Variants in FAM168A observed in about 807,000 individuals in gnomAD.
The protein encoded by FAM168A is family with sequence similarity 168 member A, also known as protein FAM168A.
A neutral mutation model predicts 28.5 loss-of-function variants in FAM168A; 3 were observed. That is an observed-to-expected ratio of 0.11 (90% CI 0.05 to 0.27). The LOEUF (loss-of-function observed/expected upper bound fraction) is 0.27, where lower values mean the gene tolerates loss of function less well. FAM168A is among the 10% of genes least tolerant of loss of function. The pLI, the probability that FAM168A is intolerant of heterozygous loss-of-function variation, is 1.00. For synonymous variants in FAM168A, 122 were observed against 124.2 expected (o/e 0.98, Z 0.12); for missense variants, 222 against 311.5 (o/e 0.71, Z 2.16).
At position 73,468,492 on chromosome 11, in the gene FAM168A, C is replaced by T; in HGVS notation, c.-18G>A. 2.5e-6 allele frequency: 4 copies of T among 1,612,414 alleles called. No homozygotes were observed. The African/African-American group carries it at 4.0e-5, about 16-fold the overall frequency. ...GGGTTCATTGTGGAAGACTGAGGAT[C>T]CTACAGAGAAAACAAAGAAAACAGC... On this transcript the variant is annotated splice_region_variant and 5_prime_UTR_variant, in exon 2 of 8. Coordinates refer to ENST00000356467, the MANE Select transcript of FAM168A (RefSeq NM_015159.3).
At chr11:73,569,189 G>A (rs1010225805) in intron 1 of FAM168A, among the ~76,000 whole-genome samples, 1 of 152,136 alleles carries the variant, frequency 6.6e-6, no homozygotes, top group Non-Finnish European at 1.5e-5. Context: ...GAAGCAATCA[G>A]GAGAAAGCAT....
chr11:73,462,195 A>C (rs1262363932), intron 2 of FAM168A, among the ~76,000 whole-genome samples: 1 of 152,252 alleles, frequency 6.6e-6, no homozygotes. Context: ...TTTACAATAG[A>C]CCAAAAGCAG....
intron 2 of FAM168A, among the ~76,000 whole-genome samples, chr11:73,449,791 T>A (rs1867393611): frequency 6.6e-6 from 1 of 152,230 alleles, no homozygotes; most frequent in South Asian, 2.1e-4. Context: ...TGACAGCACT[T>A]GTGGTAACAG....
rs193192102 is a variant in FAM168A, at chr11:73,499,529, C to T, written c.-18-31037G>A. ...AGGACTGGACAGAGGATCAGATGGACGAATTGAGAGAAGTAGGCTTCAGAA... is the reference window on the plus strand; with the variant it reads ...AGGACTGGACAGAGGATCAGATGGATGAATTGAGAGAAGTAGGCTTCAGAA... On this transcript the variant is annotated intron_variant, in intron 1 of 7. Transcript: ENST00000356467. Among the ~76,000 whole-genome samples, 27 of 152,124 alleles carry T rather than the reference C, an allele frequency of 1.8e-4. No homozygotes were observed. In the East Asian group the frequency reaches 3.5e-3, roughly 20 times the overall value.
intron 1 of FAM168A, among the ~76,000 whole-genome samples, chr11:73,588,838 G>C (rs993871023): frequency 7.9e-5 from 12 of 152,176 alleles, no homozygotes; most frequent in African/African-American, 2.9e-4. Flanking sequence ...ATTAGGTTTA[G>C]ATTAGGTCAT....
chr11:73,426,481 T>G (rs1029707034), intron 3 of FAM168A, among the ~76,000 whole-genome samples: 3 of 152,318 alleles, frequency 2.0e-5, no homozygotes, highest in African/African-American at 7.2e-5. Flanking sequence ...AATTTAAACC[T>G]AAGAGCCTGG....
At chr11:73,543,511 T>C (rs1943683748) in intron 1 of FAM168A, among the ~76,000 whole-genome samples, 1 of 152,150 alleles carries the variant, frequency 6.6e-6, no homozygotes, top group Admixed American at 6.6e-5. Context: ...TCCACCCACC[T>C]CGGTCTCCCA....
In FAM168A at chr11:73,508,770, C is replaced by T. The variant is rs545525803; in HGVS notation, c.-18-40278G>A. ...GACAGGGGGTACAGCCTCCTGGCAGCAGAGGACATAAGACAACCAAAAAAG... is the reference window on the plus strand; with the variant it reads ...GACAGGGGGTACAGCCTCCTGGCAGTAGAGGACATAAGACAACCAAAAAAG... On this transcript the variant is annotated intron_variant, in intron 1 of 7. Transcript: ENST00000356467. 1.2e-3 allele frequency among the ~76,000 whole-genome samples: 176 copies of T among 151,960 alleles called. 1 individual carries two copies. Among genetic ancestry groups the T allele is most frequent in the African/African-American group, 4.1e-3 (168 of 41,394 alleles).
chr11:73,469,766 GTTAAAC>G (rs1171324323), intron 1 of FAM168A, among the ~76,000 whole-genome samples: 1 of 151,872 alleles, frequency 6.6e-6, no homozygotes, highest in Admixed American at 6.6e-5. Context: ...ATATATTTCA[GTTAAAC>G]TTAAGGGAAA....
At chr11:73,437,055 CTT>C (rs1867101071) in intron 2 of FAM168A, among the ~76,000 whole-genome samples, 1 of 151,080 alleles carries the variant, frequency 6.6e-6, no homozygotes, top group Non-Finnish European at 1.5e-5. Flanking sequence ...CAGGAATACC[CTT>C]TATAGTGGCA....
intron 3 of FAM168A, among the ~76,000 whole-genome samples, chr11:73,424,043 T>C (rs952501936): frequency 7.9e-5 from 12 of 152,010 alleles, no homozygotes; most frequent in East Asian, 3.9e-4. Context: ...ACTAACAAAA[T>C]TGAAGTAATA....
At chr11:73,581,821 C>T (rs1944250724) in intron 1 of FAM168A, among the ~76,000 whole-genome samples, 1 of 152,006 alleles carries the variant, frequency 6.6e-6, no homozygotes, top group African/African-American at 2.4e-5. Flanking sequence ...CGGGTTCAAG[C>T]GATTATCCTG....
chr11:73,409,940 A>C (rs1055584791), intron 5 of FAM168A, among the ~76,000 whole-genome samples: 2 of 152,134 alleles, frequency 1.3e-5, no homozygotes, highest in Non-Finnish European at 2.9e-5. Flanking sequence ...GTTTTATCTT[A>C]CTGCAATGAA....
chr11:73,496,923 A>G (rs867986308), intron 1 of FAM168A, among the ~76,000 whole-genome samples: 50 of 151,726 alleles, frequency 3.3e-4, no homozygotes, highest in African/African-American at 1.2e-3. Flanking sequence ...ACACGCACAC[A>G]CACACACAGT....
chr11:73,535,761 A>G (rs377124852), intron 1 of FAM168A, among the ~76,000 whole-genome samples: 12 of 129,096 alleles, frequency 9.3e-5, no homozygotes, highest in African/African-American at 3.6e-4. Context: ...GGGTATCACC[A>G]TGTTGTTCAG....
In FAM168A at chr11:73,402,480, A is replaced by C. The variant is rs556516729; in HGVS notation, c.*4283T>G. The C allele has an allele frequency of 2.6e-5, 4 of 152,208 alleles. No homozygotes were observed. The South Asian group carries it at 8.3e-4, about 32-fold the overall frequency. 9.4% of individuals were successfully genotyped at this position (152,208 alleles called of 1,614,324 possible). ...AACAAAGCAAGCCCTCCAAAGAAGG[A>C]CCCCCAGATCTCTGGGAACGGGGTA... On this transcript the variant is annotated 3_prime_UTR_variant, in exon 8 of 8. Transcript: ENST00000356467.
chr11:73,515,877 C>A (rs572967302), intron 1 of FAM168A, among the ~76,000 whole-genome samples: 1 of 151,826 alleles, frequency 6.6e-6, no homozygotes, highest in East Asian at 1.9e-4. Flanking sequence ...CTGAGGCGGG[C>A]GGATCACAAG....
chr11:73,470,729 A>G (rs1867802546), intron 1 of FAM168A, among the ~76,000 whole-genome samples: 1 of 152,176 alleles, frequency 6.6e-6, no homozygotes. Flanking sequence ...AAGCCAATAC[A>G]TTTCCATTCA....
intron 1 of FAM168A, among the ~76,000 whole-genome samples, chr11:73,499,770 T>A (rs61361454): frequency 0.083 from 12,547 of 151,560 alleles, 1,570 homozygotes; most frequent in African/African-American, 0.27. Flanking sequence ...GGAAGAAAGG[T>A]TATCAGAGTT....
Sources: gnomAD v4.1 joint callset for allele counts (sites outside exome capture counted in the v4.1 genomes callset) on GRCh38, gnomAD v4.1.1 for gene constraint, MANE v1.5 for transcripts, NCBI Gene and HGNC (gene_info 2026-07-23, HGNC 2026-07-21) for gene names.